Variants in LARGE1 observed in about 807,000 individuals in gnomAD.
The protein encoded by LARGE1 is xylosyl- and glucuronyltransferase LARGE1.
In LARGE1, 43 loss-of-function variants were observed where a neutral mutation model predicts 87.6. That is an observed-to-expected ratio of 0.49 (90% CI 0.38 to 0.63). LARGE1 has a LOEUF of 0.63. Among genes scored for constraint, LARGE1 ranks in the 30% least tolerant of loss-of-function variants. The pLI is 0.00. For missense variants in LARGE1, 802 were observed against 1,000.2 expected, an observed-to-expected ratio of 0.80 and a Z score of 2.67; for synonymous variants, 434 against 394.6, an observed-to-expected ratio of 1.10 and a Z score of -1.18.
rs2065286439 is a variant in LARGE1, at chr22:33,385,350, G to A, written c.893-1046C>T. ...GTCAGATTAGCCTGGCCAACATGGT[G>A]AAACCCCATCTCTACTAAAAATGCA... On this transcript the variant is annotated intron_variant, in intron 7 of 14. Transcript: ENST00000397394. Among the ~76,000 whole-genome samples the A allele has an allele frequency of 1.4e-5, 2 of 146,918 alleles. 1 individual carries two copies. Among genetic ancestry groups the A allele is most frequent in the Non-Finnish European group, 3.0e-5 (2 of 65,840 alleles).
At chr22:33,684,951 T>A (rs1230987751) in intron 2 of LARGE1, among the ~76,000 whole-genome samples, 1 of 152,196 alleles carries the variant, frequency 6.6e-6, no homozygotes, top group African/African-American at 2.4e-5. Context: ...ACCATTGGTT[T>A]CATTCTGAGG....
chr22:33,405,151 A>G (rs1213782758), intron 7 of LARGE1, among the ~76,000 whole-genome samples: 1 of 152,224 alleles, frequency 6.6e-6, no homozygotes, highest in Non-Finnish European at 1.5e-5. Context: ...GATCCCTACA[A>G]GGACATTGCA....
intron 6 of LARGE1, among the ~76,000 whole-genome samples, chr22:33,516,718 T>C (rs1024976175): frequency 7.9e-5 from 12 of 152,094 alleles, no homozygotes; most frequent in Admixed American, 3.3e-4. Flanking sequence ...GCCTCCCAAG[T>C]AGCTGGGACT....
chr22:33,853,135 G>T (rs1470977922), intron 1 of LARGE1, among the ~76,000 whole-genome samples: 1 of 152,112 alleles, frequency 6.6e-6, no homozygotes, highest in East Asian at 1.9e-4. Flanking sequence ...TCTCATTTCA[G>T]ATATGCGACA....
At chr22:33,361,253 A>G (rs1160044961) in intron 9 of LARGE1, among the ~76,000 whole-genome samples, 1 of 148,974 alleles carries the variant, frequency 6.7e-6, no homozygotes, top group African/African-American at 2.5e-5. Context: ...AAAATAAACC[A>G]TGTCTGGTTC....
chr22:33,240,544 C>T (rs919960216), intron 11 of LARGE1, among the ~76,000 whole-genome samples: 1 of 152,156 alleles, frequency 6.6e-6, no homozygotes, highest in Non-Finnish European at 1.5e-5. Flanking sequence ...TTTGTCTCTC[C>T]TTGTGTCAAT....
At chr22:33,720,878 C>T (rs5749653) in intron 2 of LARGE1, among the ~76,000 whole-genome samples, 56,905 of 152,050 alleles carry the variant, frequency 0.37, 10,940 homozygotes, top group Admixed American at 0.5. Context: ...CTTCTGAGGC[C>T]AGGGGGCTGC....
At chr22:33,918,048 T>C (rs2065838256) in intron 1 of LARGE1, among the ~76,000 whole-genome samples, 2 of 152,194 alleles carry the variant, frequency 1.3e-5, no homozygotes, top group African/African-American at 2.4e-5. Context: ...CCCTGCACTG[T>C]GCATCAACTT....
chr22:33,813,368 T>C (rs2086557947), intron 1 of LARGE1, among the ~76,000 whole-genome samples: 1 of 152,124 alleles, frequency 6.6e-6, no homozygotes, highest in South Asian at 2.1e-4. Flanking sequence ...TGTATGCTCT[T>C]TTGTTCATCT....
chr22:33,178,331 T>G (rs1172774557), intron 11 of LARGE1, among the ~76,000 whole-genome samples: 3 of 152,112 alleles, frequency 2.0e-5, no homozygotes, highest in African/African-American at 7.2e-5. Context: ...TAAGGCCACT[T>G]TGATCTGAAC....
intron 4 of LARGE1, among the ~76,000 whole-genome samples, chr22:33,609,462 T>C (rs2079363478): frequency 1.3e-5 from 2 of 152,154 alleles, no homozygotes; most frequent in African/African-American, 4.8e-5. Context: ...ATTTTGGTAG[T>C]GAAGAATCTG....
At chr22:33,532,115 G>C (rs1449967650) in intron 6 of LARGE1, among the ~76,000 whole-genome samples, 5 of 152,228 alleles carry the variant, frequency 3.3e-5, no homozygotes, top group Non-Finnish European at 5.9e-5. Flanking sequence ...TGGATGAATA[G>C]AACAGGGATG....
intron 2 of LARGE1, among the ~76,000 whole-genome samples, chr22:33,705,388 A>G (rs1162641106): frequency 6.6e-6 from 1 of 152,190 alleles, no homozygotes; most frequent in Non-Finnish European, 1.5e-5. Context: ...GATACGCACA[A>G]TTTATGGTTC....
chr22:33,550,741 C>T (rs1260107188), intron 6 of LARGE1, among the ~76,000 whole-genome samples: 2 of 152,224 alleles, frequency 1.3e-5, no homozygotes, highest in Admixed American at 6.5e-5. Context: ...AAGACACCTG[C>T]ACTGATGTTT....
At chr22:33,678,845 G>A (rs184444380) in intron 2 of LARGE1, among the ~76,000 whole-genome samples, 29 of 152,318 alleles carry the variant, frequency 1.9e-4, no homozygotes, top group African/African-American at 5.3e-4. Context: ...GCTGGGAACC[G>A]AAGTACATTG....
At chr22:33,106,619 C>T in the LARGE1 span, among the ~76,000 whole-genome samples, 4 of 152,198 alleles carry the variant, frequency 2.6e-5, no homozygotes, top group East Asian at 1.9e-4. Context: ...CCTCAGCCTC[C>T]GGAGTAGCTG....
At chr22:33,915,042 C>CACACACACACACACAGAG (rs144076486) in intron 1 of LARGE1, among the ~76,000 whole-genome samples, 12 of 137,022 alleles carry the variant, frequency 8.8e-5, no homozygotes, top group Admixed American at 3.7e-4. Flanking sequence ...CACACACACA[C>CACACACACACACACAGAG]AGAGAGAGAG....
chr22:33,270,905 T>G (rs1487433722), downstream of LARGE1, among the ~76,000 whole-genome samples: 3 of 152,182 alleles, frequency 2.0e-5, no homozygotes, highest in East Asian at 5.8e-4. Context: ...TGAAGCAGCA[T>G]GCTAAGTCAG....
the LARGE1 span, among the ~76,000 whole-genome samples, chr22:33,069,988 C>T: frequency 1.3e-5 from 2 of 152,114 alleles, no homozygotes; most frequent in African/African-American, 2.4e-5. Flanking sequence ...TCGCACACCG[C>T]TAATTTTGTA....
Sources: gnomAD v4.1 joint callset for allele counts (sites outside exome capture counted in the v4.1 genomes callset) on GRCh38, gnomAD v4.1.1 for gene constraint, MANE v1.5 for transcripts, NCBI Gene and HGNC (gene_info 2026-07-23, HGNC 2026-07-21) for gene names.